Variants in MGMT observed in about 807,000 individuals in gnomAD.
MGMT encodes the protein methylated-DNA--protein-cysteine methyltransferase.
MGMT carries 14 observed loss-of-function variants against 15.9 expected under a neutral mutation model. The observed-to-expected ratio is 0.88, with a 90% CI of 0.58 to 1.37. The LOEUF (loss-of-function observed/expected upper bound fraction) is 1.37. Ranked by LOEUF, MGMT falls within the 40% of genes most tolerant of loss-of-function variation. MGMT has a pLI of 0.00. For missense variants in MGMT, 282 were observed against 268.1 expected (o/e 1.05, Z -0.36); for synonymous variants, 130 against 118.2 (o/e 1.10, Z -0.65).
At chr10:129,520,257 G>C (rs559146083) in intron 1 of MGMT, among the ~76,000 whole-genome samples, 2 of 152,266 alleles carry the variant, frequency 1.3e-5, no homozygotes, top group East Asian at 3.9e-4. Context: ...TACAGCCGCT[G>C]GCACAGCTAC....
At chr10:129,479,455 CAT>C in intron 1 of MGMT, among the ~76,000 whole-genome samples, 1 of 152,014 alleles carries the variant, frequency 6.6e-6, no homozygotes, top group South Asian at 2.1e-4. Flanking sequence ...GAATTGTAGT[CAT>C]ATACTGACTT....
chr10:129,696,579 T>C (rs1476319584), intron 2 of MGMT, among the ~76,000 whole-genome samples: 3 of 152,250 alleles, frequency 2.0e-5, no homozygotes, highest in Admixed American at 6.5e-5. Context: ...TTTCAGCACA[T>C]TATTCATTGG....
intron 2 of MGMT, among the ~76,000 whole-genome samples, chr10:129,600,258 T>G (rs945399645): frequency 1.3e-5 from 2 of 152,136 alleles, no homozygotes; most frequent in Non-Finnish European, 2.9e-5. Context: ...TCCCTTGAGT[T>G]AGTTCGTGGT....
chr10:129,704,050 G>GCCGCCTTCCCCGGA (rs1564767429), intron 2 of MGMT, among the ~76,000 whole-genome samples: 1 of 151,806 alleles, frequency 6.6e-6, no homozygotes, highest in Non-Finnish European at 1.5e-5. Flanking sequence ...CCTTCCCCAG[G>GCCGCCTTCCCCGGA]GATCAGGACA....
chr10:129,537,049 A>T (rs970786816), intron 2 of MGMT: 1 of 152,188 alleles, frequency 6.6e-6, no homozygotes, highest in Non-Finnish European at 1.5e-5. Context: ...AACGTAAGAA[A>T]TGTAAAGCAT....
intron 2 of MGMT, among the ~76,000 whole-genome samples, chr10:129,697,198 T>C (rs1278192217): frequency 6.6e-6 from 1 of 152,206 alleles, no homozygotes; most frequent in African/African-American, 2.4e-5. Context: ...ATTGTTGTCC[T>C]GTGGATTGGG....
At chr10:129,519,508 T>G (rs1489663987) in intron 1 of MGMT, among the ~76,000 whole-genome samples, 1 of 152,216 alleles carries the variant, frequency 6.6e-6, no homozygotes, top group South Asian at 2.1e-4. Context: ...TGCGGTGAGA[T>G]GGAGCCTGTC....
At chr10:129,558,343 G>A (rs531205186) in intron 2 of MGMT, among the ~76,000 whole-genome samples, 13 of 152,302 alleles carry the variant, frequency 8.5e-5, no homozygotes, top group South Asian at 2.1e-4. Context: ...TAGTGGAAAC[G>A]TTATAGGATG....
At chr10:129,619,621 A>G (rs2133074528) in intron 2 of MGMT, among the ~76,000 whole-genome samples, 1 of 152,252 alleles carries the variant, frequency 6.6e-6, no homozygotes, top group South Asian at 2.1e-4. Context: ...CTTTGTGGGA[A>G]GGTTATTACT....
At chr10:129,628,873 G>A (rs1273859121) in intron 2 of MGMT, among the ~76,000 whole-genome samples, 1 of 152,166 alleles carries the variant, frequency 6.6e-6, no homozygotes, top group African/African-American at 2.4e-5. Flanking sequence ...AGAAAAAAGG[G>A]TGGAACCAGG....
intron 3 of MGMT, among the ~76,000 whole-genome samples, chr10:129,734,923 G>C (rs1037204589): frequency 6.6e-6 from 1 of 152,170 alleles, no homozygotes; most frequent in Non-Finnish European, 1.5e-5. Flanking sequence ...ACTTGATCAT[G>C]GTGGATCAGC....
chr10:129,519,322 G>C (rs1042124224), intron 1 of MGMT, among the ~76,000 whole-genome samples: 1 of 152,216 alleles, frequency 6.6e-6, no homozygotes, highest in African/African-American at 2.4e-5. Context: ...TGCAGGATTA[G>C]ACTGAATTAT....
intron 1 of MGMT, among the ~76,000 whole-genome samples, chr10:129,516,989 G>C (rs1462000095): frequency 6.6e-6 from 1 of 152,242 alleles, no homozygotes; most frequent in Non-Finnish European, 1.5e-5. Context: ...TCTACCCCGA[G>C]TGCGGTTGGT....
chr10:129,698,503 T>G (rs1288703457), intron 2 of MGMT, among the ~76,000 whole-genome samples: 2 of 152,236 alleles, frequency 1.3e-5, no homozygotes, highest in African/African-American at 4.8e-5. Flanking sequence ...TTTACAGATA[T>G]ACAAGCACTT....
intron 2 of MGMT, among the ~76,000 whole-genome samples, chr10:129,585,919 G>C (rs1846613053): frequency 6.6e-6 from 1 of 152,096 alleles, no homozygotes; most frequent in Non-Finnish European, 1.5e-5. Flanking sequence ...CCATTATTAA[G>C]TGAAATGTGG....
At chr10:129,729,088 G>A (rs573149560) in intron 3 of MGMT, among the ~76,000 whole-genome samples, 2 of 152,188 alleles carry the variant, frequency 1.3e-5, no homozygotes, top group South Asian at 2.1e-4. Context: ...GTGGGGAGGG[G>A]TGGGGACCAG....
rs141394534 is a variant in MGMT, at chr10:129,600,631, T to C, written c.125+64254T>C. ...CATTACTTTCATTGGATTACTTGTT[T>C]GAAAATTAAATTAATCAAGTGAGGT... On this transcript the variant is annotated intron_variant, in intron 2 of 4. Transcript: ENST00000651593. Among the ~76,000 whole-genome samples, 1,170 of 152,346 alleles carry C rather than the reference T, an allele frequency of 7.7e-3. 17 individuals are homozygous for C. Among genetic ancestry groups the C allele is most frequent in the African/African-American group, 0.026 (1,099 of 41,582 alleles).
At chr10:129,579,452 C>T (rs1214915829) in intron 2 of MGMT, among the ~76,000 whole-genome samples, 1 of 152,232 alleles carries the variant, frequency 6.6e-6, no homozygotes, top group East Asian at 1.9e-4. Flanking sequence ...CTCGGCCTGC[C>T]CCGTTTCTGT....
intron 2 of MGMT, among the ~76,000 whole-genome samples, chr10:129,601,919 C>A (rs942886563): frequency 6.6e-6 from 1 of 152,114 alleles, no homozygotes; most frequent in Non-Finnish European, 1.5e-5. Context: ...ACATTACAGC[C>A]ATGGAAATTC....
Sources: allele counts gnomAD v4.1 joint callset (sites outside exome capture counted in the v4.1 genomes callset), GRCh38; gene constraint gnomAD v4.1.1; transcripts MANE v1.5; gene names NCBI Gene and HGNC (gene_info 2026-07-23, HGNC 2026-07-21).